The following PTBP2 variants were observed in gnomAD, a reference collection of about 807,000 sequenced individuals.
The protein encoded by PTBP2 is polypyrimidine tract binding protein 2.
A neutral mutation model predicts 61.4 loss-of-function variants in PTBP2; 13 were observed. The observed-to-expected ratio is 0.21, with a 90% CI of 0.14 to 0.34. PTBP2 has a LOEUF of 0.34. Ranked by LOEUF, PTBP2 falls within the 10% of genes least tolerant of loss-of-function variation. PTBP2 has a pLI of 1.00. For missense variants in PTBP2, 405 were observed against 642.6 expected (o/e 0.63, Z 4.00); for synonymous variants, 215 against 218.5 (o/e 0.98, Z 0.14).
Position 96,786,213 on chromosome 1 carries a change from A to T in PTBP2, c.904+959A>T, listed in dbSNP as rs1020343147. ...ATAACAGTCATGCCATCAGTTTGTG[A>T]ATATGAAATCTGTAAGTGGTATATA... On this transcript the variant is annotated intron_variant, in intron 8 of 13. Transcript: ENST00000674951. Among the ~76,000 whole-genome samples the T allele has an allele frequency of 5.9e-5, 9 of 152,324 alleles. No individual in the cohort carries two copies. The South Asian group carries it at 1.9e-3, about 32-fold the overall frequency.
intron 2 of PTBP2, among the ~76,000 whole-genome samples, chr1:96,724,174 G>A (rs12090671): frequency 6.6e-6 from 1 of 151,946 alleles, no homozygotes; most frequent in Non-Finnish European, 1.5e-5. Context: ...ACTACTCATC[G>A]TTTAAACTTT....
At chr1:96,761,943 T>TAAC (rs1655932787) in intron 3 of PTBP2, among the ~76,000 whole-genome samples, 2 of 151,836 alleles carry the variant, frequency 1.3e-5, no homozygotes, top group Non-Finnish European at 2.9e-5. Context: ...TGATGACTCT[T>TAAC]AACGAGCATG....
At chr1:96,734,655 T>A (rs922911625) in intron 2 of PTBP2, among the ~76,000 whole-genome samples, 2 of 152,030 alleles carry the variant, frequency 1.3e-5, no homozygotes, top group Admixed American at 6.5e-5. Context: ...AGACTACATT[T>A]ACTGATTGCG....
At chr1:96,787,063 C>T (rs1053960934) in intron 8 of PTBP2, among the ~76,000 whole-genome samples, 6 of 152,072 alleles carry the variant, frequency 3.9e-5, no homozygotes, top group African/African-American at 1.2e-4. Context: ...CTCTGTCGCC[C>T]GTGTCAGAGT....
intron 2 of PTBP2, among the ~76,000 whole-genome samples, chr1:96,739,826 C>T (rs531858664): frequency 1.3e-5 from 2 of 151,498 alleles, no homozygotes; most frequent in Non-Finnish European, 2.9e-5. Context: ...CGGGGTTTCA[C>T]TGTAGCCAGG....
intron 2 of PTBP2, among the ~76,000 whole-genome samples, chr1:96,733,194 A>T (rs185078018): frequency 0.016 from 2,486 of 152,194 alleles, 78 homozygotes; most frequent in African/African-American, 0.057. Flanking sequence ...CTCGGCTGTT[A>T]GCTTCATCTT....
chr1:96,813,502 G>C lies in PTBP2; in HGVS notation c.*97G>C, dbSNP rs1436700081. On this transcript the variant is annotated 3_prime_UTR_variant, in exon 14 of 14. Transcript: ENST00000674951. ...TGGGGACCAGAGTTTGATTTTTTTT[G>C]TTTTTGTTTTTTTGGGGTTTCTTTT... 1 of 1,230,844 alleles carries C rather than the reference G, an allele frequency of 8.1e-7. No individual in the cohort carries two copies. The highest frequency in any genetic ancestry group is 1.1e-6 in the Non-Finnish European group (1 of 931,320). 76.2% of individuals were successfully genotyped at this position (1,230,844 alleles called of 1,614,324 possible).
At chr1:96,797,049 A>G (rs1660465941) in intron 8 of PTBP2, among the ~76,000 whole-genome samples, 1 of 152,182 alleles carries the variant, frequency 6.6e-6, no homozygotes, top group Non-Finnish European at 1.5e-5. Context: ...AATGGAGAAG[A>G]GGGAAATAAA....
At chr1:96,804,203 G>A (rs1334121284) in intron 8 of PTBP2, among the ~76,000 whole-genome samples, 1 of 152,132 alleles carries the variant, frequency 6.6e-6, no homozygotes, top group Non-Finnish European at 1.5e-5. Flanking sequence ...GAAGGAACTT[G>A]TATTCATTTT....
chr1:96,790,734 T>A (rs569566128), intron 8 of PTBP2, among the ~76,000 whole-genome samples: 56 of 152,300 alleles, frequency 3.7e-4, no homozygotes, highest in African/African-American at 1.3e-3. Context: ...CTGTCTGCTT[T>A]AAACTTTTGA....
At chr1:96,761,066 A>T (rs1655784923) in intron 3 of PTBP2, among the ~76,000 whole-genome samples, 1 of 152,220 alleles carries the variant, frequency 6.6e-6, no homozygotes. Flanking sequence ...ACATAGTGTG[A>T]TTCCATTTCT....
intron 8 of PTBP2, among the ~76,000 whole-genome samples, chr1:96,796,290 CAA>C (rs35764825): frequency 6.3e-4 from 77 of 122,948 alleles, no homozygotes; most frequent in Admixed American, 9.6e-4. Context: ...CCGTCTCCAC[CAA>C]AAAAAAAAAA....
intron 5 of PTBP2, among the ~76,000 whole-genome samples, chr1:96,775,996 C>T (rs991639908): frequency 1.3e-5 from 2 of 151,854 alleles, no homozygotes; most frequent in African/African-American, 4.8e-5. Context: ...TAGCTAGTAT[C>T]TCTGGAAGGA....
intron 3 of PTBP2, among the ~76,000 whole-genome samples, chr1:96,767,347 G>A (rs1199017799): frequency 6.6e-6 from 1 of 151,976 alleles, no homozygotes; most frequent in African/African-American, 2.4e-5. Flanking sequence ...CTCCTTATGG[G>A]TACAGTGATA....
chr1:96,813,491 T>C lies in PTBP2; in HGVS notation c.*86T>C. ...GTTCAGAAAAGTGGGGACCAGAGTT[T>C]GATTTTTTTTGTTTTTGTTTTTTTG... On this transcript the variant is annotated 3_prime_UTR_variant, in exon 14 of 14. Coordinates refer to ENST00000674951, the MANE Select transcript of PTBP2 (RefSeq NM_021190.4). 7.8e-7 allele frequency: 1 copy of C among 1,288,740 alleles called. No homozygotes were observed. Among genetic ancestry groups the C allele is most frequent in the Non-Finnish European group, 1.0e-6 (1 of 973,104 alleles). The allele number at this position is 1,288,740 out of a possible 1,614,324, so 79.8% of individuals were successfully genotyped here.
intron 3 of PTBP2, among the ~76,000 whole-genome samples, chr1:96,761,346 A>ATTG (rs375632927): frequency 1.1e-4 from 15 of 140,574 alleles, no homozygotes; most frequent in Admixed American, 2.1e-4. Context: ...GTGGGATTTG[A>ATTG]TGTGTGTGTG....
At chr1:96,776,345 A>G (rs1658039458) in intron 5 of PTBP2, among the ~76,000 whole-genome samples, 1 of 148,682 alleles carries the variant, frequency 6.7e-6, no homozygotes, top group South Asian at 2.1e-4. Context: ...TAATAGTATC[A>G]AGATGTCTAC....
chr1:96,797,717 T>A (rs1660530637), intron 8 of PTBP2, among the ~76,000 whole-genome samples: 1 of 152,180 alleles, frequency 6.6e-6, no homozygotes, highest in Non-Finnish European at 1.5e-5. Context: ...ATGTGTACTT[T>A]AAATCATCTC....
chr1:96,788,929 C>T (rs1240052663), intron 8 of PTBP2, among the ~76,000 whole-genome samples: 2 of 151,996 alleles, frequency 1.3e-5, no homozygotes, highest in Non-Finnish European at 2.9e-5. Context: ...TAAAATCTGA[C>T]ATCTAAAATA....
Sources: gnomAD v4.1 joint callset for allele counts (sites outside exome capture counted in the v4.1 genomes callset) on GRCh38, gnomAD v4.1.1 for gene constraint, MANE v1.5 for transcripts, NCBI Gene and HGNC (gene_info 2026-07-23, HGNC 2026-07-21) for gene names.